CFAP46: variants seen among roughly 807,000 people sequenced by gnomAD.
CFAP46 encodes cilia and flagella associated protein 46, also known as cilia- and flagella-associated protein 46.
CFAP46 carries 245 observed loss-of-function variants against 325.7 expected under a neutral mutation model. The observed-to-expected ratio is 0.75, with a 90% confidence interval of 0.68 to 0.84. The LOEUF is 0.84. Ranked by LOEUF, CFAP46 falls within the 40% of genes least tolerant of loss-of-function variation. The pLI is 0.00. For synonymous variants in CFAP46, 1,523 were observed against 1,495.9 expected, an observed-to-expected ratio of 1.02 and a Z score of -0.42; for missense variants, 3,346 against 3,543.0, an observed-to-expected ratio of 0.94 and a Z score of 1.41.
In CFAP46 at chr10:132,941,633, C is replaced by A. The variant is rs1850103349; in HGVS notation, c.264G>T (p.Leu88=). 1 of 1,613,916 alleles carries A rather than the reference C, an allele frequency of 6.2e-7. No homozygotes were observed. The highest frequency in any genetic ancestry group is 1.1e-5 in the South Asian group (1 of 91,088). ...PITQFLGRAH[L]CRAQMCAPKS... ...TCGGGGCACACATCTGGGCCCTGCA[C>A]AGGTGCGCTCGGCCCAGAAACTGGG... The change falls in exon 3 of 58, where the codon CTG becomes CTT. Residue 88 remains leucine, a synonymous_variant. Coordinates refer to ENST00000368586, the MANE Select transcript of CFAP46 (RefSeq NM_001200049.3).
chr10:132,852,237 A>C (rs1024687744), intron 39 of CFAP46, among the ~76,000 whole-genome samples: 23 of 147,838 alleles, frequency 1.6e-4, no homozygotes, highest in African/African-American at 5.9e-4. Flanking sequence ...GAATTCTCAG[A>C]TCCCAATCCA....
rs1847651593 is a variant in CFAP46 at position 132,814,560 on chromosome 10, C to T, written c.7285+17G>A. On this transcript the variant is annotated intron_variant, in intron 53 of 57. Transcript: ENST00000368586. Reference sequence around the variant, plus strand: ...GGCTGGCGTGTGCCTGAACAGGGAGCCCTGTGCAGCACCCACCTGGGCCCT... The same window carrying T: ...GGCTGGCGTGTGCCTGAACAGGGAGTCCTGTGCAGCACCCACCTGGGCCCT... The T allele has an allele frequency of 1.3e-6, 2 of 1,555,454 alleles. No individual in the cohort carries two copies. The highest frequency in any genetic ancestry group is 1.7e-6 in the Non-Finnish European group (2 of 1,150,132).
intron 22 of CFAP46, among the ~76,000 whole-genome samples, chr10:132,901,709 C>T (rs1374886600): frequency 6.6e-6 from 1 of 152,120 alleles, no homozygotes. Context: ...TTTATGTTTA[C>T]CCCCAAATTT....
At chr10:132,940,430 G>C (rs906520616) in intron 4 of CFAP46, among the ~76,000 whole-genome samples, 1 of 152,206 alleles carries the variant, frequency 6.6e-6, no homozygotes. Flanking sequence ...TGATTTTGTA[G>C]AAAGTGCTGG....
At chr10:132,810,862 G>A in intron 56 of CFAP46, 88 bp downstream of exon 56, 1 of 1,247,260 alleles carries the variant, frequency 8.0e-7, no homozygotes, top group Non-Finnish European at 1.1e-6. Flanking sequence ...CCGACCCCAG[G>A]TCCCTCCTCC....
intron 54 of CFAP46, among the ~76,000 whole-genome samples, chr10:132,813,335 AC>A (rs528460769): frequency 4.1e-3 from 274 of 67,340 alleles, no homozygotes; most frequent in Non-Finnish European, 6.6e-3. Flanking sequence ...CTGCAGTGCC[AC>A]CCTCTGCACA....
At chr10:132,870,288 GA>G (rs1335512882) in intron 32 of CFAP46, among the ~76,000 whole-genome samples, 1 of 152,090 alleles carries the variant, frequency 6.6e-6, no homozygotes, top group Non-Finnish European at 1.5e-5. Flanking sequence ...CCAAGACACA[GA>G]AATTTTGAAA....
chr10:132,813,142 C>T (rs1454364670), intron 54 of CFAP46, among the ~76,000 whole-genome samples: 1 of 152,240 alleles, frequency 6.6e-6, no homozygotes, highest in South Asian at 2.1e-4. Flanking sequence ...GAATGAACAC[C>T]CCTACTCGGG....
chr10:132,872,284 T>C (rs892832799), intron 32 of CFAP46, among the ~76,000 whole-genome samples: 1 of 152,194 alleles, frequency 6.6e-6, no homozygotes, highest in Non-Finnish European at 1.5e-5. Context: ...AACAGCATCA[T>C]GCTCTGTTGC....
Position 132,810,493 on chromosome 10 carries a change from G to A in CFAP46, c.7584-4C>T, listed in dbSNP as rs1345902785. 6.2e-6 allele frequency: 10 copies of A among 1,613,092 alleles called. No individual in the cohort carries two copies. The highest frequency in any genetic ancestry group is 8.5e-6 in the Non-Finnish European group (10 of 1,179,684). ...GGCTTCCCAACGGCCAACAGATCTAGGGGAGAAACGTCCCCTCAGGAGGGC... is the reference window on the plus strand; with the variant it reads ...GGCTTCCCAACGGCCAACAGATCTAAGGGAGAAACGTCCCCTCAGGAGGGC... On this transcript the variant is annotated splice_polypyrimidine_tract_variant and splice_region_variant and intron_variant, in intron 56 of 57. Transcript: ENST00000368586.
Position 132,941,644 on chromosome 10 carries a change from G to C in CFAP46, c.253C>G (p.Arg85Gly). 1 of 1,613,982 alleles carries C rather than the reference G, an allele frequency of 6.2e-7. No individual in the cohort carries two copies. Residue 85 changes from arginine to glycine, a missense_variant, in exon 3 of 58, where the codon CGA (arginine) becomes GGA (glycine). By Grantham distance (125) the Arg-to-Gly change is moderately radical. Transcript: ENST00000368586. Reference sequence around the variant, plus strand: ...ATCTGGGCCCTGCACAGGTGCGCTCGGCCCAGAAACTGGGTGATGGGCGCC... The same window carrying C: ...ATCTGGGCCCTGCACAGGTGCGCTCCGCCCAGAAACTGGGTGATGGGCGCC... ...VKAPITQFLG[R>G]AHLCRAQMCA...
chr10:132,901,433 T>G (rs1849390318), intron 22 of CFAP46, among the ~76,000 whole-genome samples: 1 of 152,254 alleles, frequency 6.6e-6, no homozygotes, highest in Non-Finnish European at 1.5e-5. Flanking sequence ...TACATCTCTT[T>G]GCTTTATTCC....
Position 132,832,816 on chromosome 10 carries a change from G to A in CFAP46, c.7117+542C>T, listed in dbSNP as rs567240240. The A allele has an allele frequency of 1.9e-5, 9 of 470,964 alleles. No homozygotes were observed. The highest frequency in any genetic ancestry group is 6.0e-5 in the African/African-American group (3 of 50,152). 29.2% of individuals were successfully genotyped at this position (470,964 alleles called of 1,614,324 possible). A position where few individuals can be genotyped will look rare whatever the true frequency, so the allele number is the denominator to read the frequency against. On this transcript the variant is annotated intron_variant, in intron 50 of 57. Coordinates refer to ENST00000368586, the MANE Select transcript of CFAP46 (RefSeq NM_001200049.3). This position sits in a 1 kb window ranked among gnomAD's most constrained non-coding sequence, Gnocchi z 4.1. ...GCTTTTCACTGTCTGAGTGATTAAC[G>A]GAGAGGCTGGCTGTTTACTACACAT...
chr10:132,869,400 G>C lies in CFAP46; in HGVS notation c.4512-28C>G. Reference sequence around the variant, plus strand: ...GTGGGGAGTGTGGCCGAAAGAGTCAGTGTTGCACGGGCGCAGAGGGAGCCA... The same window carrying C: ...GTGGGGAGTGTGGCCGAAAGAGTCACTGTTGCACGGGCGCAGAGGGAGCCA... On this transcript the variant is annotated intron_variant, in intron 32 of 57. Transcript: ENST00000368586. The surrounding 1 kb of genome is among the most constrained non-coding windows in gnomAD (Gnocchi z 6.2). 2 of 1,492,702 alleles carry C rather than the reference G, an allele frequency of 1.3e-6. No individual in the cohort carries two copies. Among genetic ancestry groups the C allele is most frequent in the Non-Finnish European group, 1.8e-6 (2 of 1,114,412 alleles). 92.5% of individuals were successfully genotyped at this position (1,492,702 alleles called of 1,614,324 possible).
Position 132,814,958 on chromosome 10 carries a change from G to A in CFAP46, c.7118-44C>T, listed in dbSNP as rs777950103. ...AGGCAGGGATGTTTGGCAGCAGCTC[G>A]AGGCAGCCCTCCGGCCACACGGTCG... On this transcript the variant is annotated intron_variant, in intron 50 of 57. Coordinates refer to ENST00000368586, the MANE Select transcript of CFAP46 (RefSeq NM_001200049.3). The A allele has an allele frequency of 4.2e-5, 66 of 1,574,028 alleles. No homozygotes were observed. The Middle Eastern group carries it at 5.0e-4, about 12-fold the overall frequency.
chr10:132,834,865 T>C, intron 47 of CFAP46, 90 bp from the exon 48 acceptor site: 1 of 1,470,702 alleles, frequency 6.8e-7, no homozygotes, highest in South Asian at 1.4e-5. Flanking sequence ...AAGGCCGAGC[T>C]CCTGCCCCTT....
chr10:132,918,376 C>G lies in CFAP46; in HGVS notation c.1986+17G>C, dbSNP rs1189559221. On this transcript the variant is annotated intron_variant, in intron 16 of 57. Coordinates refer to ENST00000368586, the MANE Select transcript of CFAP46 (RefSeq NM_001200049.3). ...GACGCACCTCAGCACCGATGAACCC[C>G]CCTCTCCATGACGCACCTCAGCATG... is the stretch of plus-strand genomic sequence containing the variant. 6.5e-7 allele frequency: 1 copy of G among 1,531,616 alleles called. No individual in the cohort carries two copies. The highest frequency in any genetic ancestry group is 8.8e-7 in the Non-Finnish European group (1 of 1,134,656). The allele number at this position is 1,531,616 out of a possible 1,614,324, so 94.9% of individuals were successfully genotyped here. A position where few individuals can be genotyped will look rare whatever the true frequency, so the allele number is the denominator to read the frequency against.
At chr10:132,925,017 A>C in intron 10 of CFAP46, 131 bp from the exon 11 acceptor site, 1 of 678,270 alleles carries the variant, frequency 1.5e-6, no homozygotes, top group Non-Finnish European at 2.2e-6. Flanking sequence ...TCATGCTCAA[A>C]TCTGTCCGTG....
intron 22 of CFAP46, among the ~76,000 whole-genome samples, chr10:132,907,681 T>A (rs1185759705): frequency 6.6e-6 from 1 of 152,202 alleles, no homozygotes; most frequent in East Asian, 1.9e-4. Context: ...AGTGTCCGTG[T>A]CCCCTCAAAA....
Sources: gnomAD v4.1 joint callset for allele counts (sites outside exome capture counted in the v4.1 genomes callset) on GRCh38, gnomAD v4.1.1 for gene constraint, Gnocchi (gnomAD v3.1) non-coding constraint, MANE v1.5 for transcripts, NCBI Gene and HGNC (gene_info 2026-07-23, HGNC 2026-07-21) for gene names.